Variants in ADD2 observed in about 807,000 individuals in gnomAD.
ADD2 encodes the protein beta-adducin.
A neutral mutation model predicts 83.0 loss-of-function variants in ADD2; 23 were observed. The ratio of observed to expected loss-of-function variants is 0.28; its 90% CI spans 0.20 to 0.39. ADD2 has a LOEUF of 0.39. ADD2 is among the 10% of genes least tolerant of loss of function. The probability of loss-of-function intolerance (pLI) is 1.00; values close to 1 mark genes in which losing one functional copy is unlikely to be tolerated. For synonymous variants in ADD2, 375 were observed against 375.4 expected (o/e 1.00, Z 0.01); for missense variants, 758 against 944.9 (o/e 0.80, Z 2.59).
intron 1 of ADD2, among the ~76,000 whole-genome samples, chr2:70,762,689 G>A (rs922557889): frequency 4.0e-5 from 6 of 149,940 alleles, no homozygotes; most frequent in African/African-American, 7.4e-5. Flanking sequence ...AAAGGAAAGC[G>A]GTCAAAAATT....
At chr2:70,764,795 G>A (rs924923893) in intron 1 of ADD2, among the ~76,000 whole-genome samples, 2 of 151,508 alleles carry the variant, frequency 1.3e-5, no homozygotes, top group Non-Finnish European at 2.9e-5. Context: ...AACAGTCTGG[G>A]TGACAGAGCA....
chr2:70,755,864 G>A (rs976981590), intron 1 of ADD2, among the ~76,000 whole-genome samples: 1 of 151,934 alleles, frequency 6.6e-6, no homozygotes, highest in Non-Finnish European at 1.5e-5. Flanking sequence ...TTCGAGACCA[G>A]CCTGGCCAAC....
Position 70,678,772 on chromosome 2 carries a change from T to A in ADD2, c.1315A>T (p.Thr439Ser), listed in dbSNP as rs17855969. The A allele has an allele frequency of 6.2e-7, 1 of 1,612,738 alleles. No homozygotes were observed. Among genetic ancestry groups the A allele is most frequent in the Admixed American group, 1.7e-5 (1 of 59,928 alleles). Residue 439 changes from threonine to serine, a missense_variant, in exon 11 of 16, where the codon ACC becomes TCC. Physicochemically the swap from Thr to Ser is moderately conservative, Grantham distance 58. Around this residue, in one of 5 missense-constraint regions of ADD2, gnomAD observed 394 missense variants for 509.3 expected, o/e 0.77. Coordinates refer to ENST00000264436, the MANE Select transcript of ADD2 (RefSeq NM_001617.4). ...TCGGCCACATTGACCCGCAGGTAGG[T>A]GTTGGGCGTATTGAGCCAGCGGGTC... ...EKTRWLNTPNTYLRVNVADEV... is the reference protein window; with the variant it reads ...EKTRWLNTPNSYLRVNVADEV...
chr2:70,689,159 G>A (rs1553371070), intron 8 of ADD2, among the ~76,000 whole-genome samples: 1 of 152,188 alleles, frequency 6.6e-6, no homozygotes, highest in African/African-American at 2.4e-5. Context: ...CTAGAAGCCA[G>A]GGGTTCTCAC....
At chr2:70,754,891 T>C (rs1674693417) in intron 1 of ADD2, among the ~76,000 whole-genome samples, 1 of 152,146 alleles carries the variant, frequency 6.6e-6, no homozygotes, top group African/African-American at 2.4e-5. Context: ...AATCACCTTT[T>C]AATTATCTAT....
intron 4 of ADD2, among the ~76,000 whole-genome samples, chr2:70,703,039 T>C (rs555847549): frequency 2.6e-5 from 4 of 151,906 alleles, no homozygotes; most frequent in African/African-American, 9.7e-5. Flanking sequence ...AGTGGGAGGA[T>C]TGCTTGAGCC....
intron 15 of ADD2, among the ~76,000 whole-genome samples, chr2:70,670,308 G>C (rs912356578): frequency 6.6e-6 from 1 of 152,178 alleles, no homozygotes; most frequent in Admixed American, 6.5e-5. Flanking sequence ...ACATGCTGTG[G>C]GTTAGGAAAG....
intron 1 of ADD2, among the ~76,000 whole-genome samples, chr2:70,739,921 C>T (rs116014366): frequency 4.6e-5 from 7 of 152,310 alleles, no homozygotes; most frequent in Non-Finnish European, 1.0e-4. Flanking sequence ...CTACTGCATA[C>T]TAGGCCTAGT....
At chr2:70,765,052 CT>C (rs1236786665) in intron 1 of ADD2, among the ~76,000 whole-genome samples, 1 of 151,840 alleles carries the variant, frequency 6.6e-6, no homozygotes, top group Non-Finnish European at 1.5e-5. Context: ...CCTTTCTGGT[CT>C]CGGAATCAAG....
chr2:70,676,807 T>C lies in ADD2; in HGVS notation c.1582A>G (p.Ser528Gly). ...AGCCTCTGCTCTACCGGGCTTCGGC[T>C]CTTCTCGGCAATGACGCTCGCCAGG... is the stretch of plus-strand genomic sequence containing the variant. Reference protein sequence around the residue: ...QLLASVIAEKSRSPSTESQLM... With the variant: ...QLLASVIAEKGRSPSTESQLM... The change falls in exon 13 of 16, where the codon AGC becomes GGC. Residue 528 changes from serine (S) to glycine (G), a missense_variant. By Grantham distance (56) the Ser-to-Gly change is moderately conservative. Coordinates refer to ENST00000264436, the MANE Select transcript of ADD2 (RefSeq NM_001617.4). The surrounding 1 kb of genome is among the most constrained non-coding windows in gnomAD (Gnocchi z 4.8). 6.2e-7 allele frequency: 1 copy of C among 1,614,150 alleles called. No individual in the cohort carries two copies. Among genetic ancestry groups the C allele is most frequent in the African/African-American group, 1.3e-5 (1 of 75,052 alleles).
intron 15 of ADD2, among the ~76,000 whole-genome samples, chr2:70,669,702 C>T (rs1669821010): frequency 6.6e-6 from 1 of 152,254 alleles, no homozygotes; most frequent in South Asian, 2.1e-4. Flanking sequence ...GGAAGATCCA[C>T]AAAGCAGGCC....
chr2:70,726,923 T>G (rs1673033884), intron 1 of ADD2, among the ~76,000 whole-genome samples: 1 of 152,204 alleles, frequency 6.6e-6, no homozygotes, highest in Non-Finnish European at 1.5e-5. Flanking sequence ...ATTCTCCCAC[T>G]GCTGTCTCTC....
intron 15 of ADD2, among the ~76,000 whole-genome samples, 171 bp from the exon 16 acceptor site, chr2:70,663,906 T>C (rs2104142655): frequency 6.6e-6 from 1 of 152,340 alleles, no homozygotes; most frequent in East Asian, 1.9e-4. Context: ...GACTGGGTTC[T>C]GATCTGCACC....
intron 1 of ADD2, among the ~76,000 whole-genome samples, chr2:70,747,891 T>C (rs1416284880): frequency 2.0e-5 from 3 of 152,226 alleles, no homozygotes; most frequent in Admixed American, 6.5e-5. Flanking sequence ...GTTTTTTGTA[T>C]AGTAGGTCAA....
chr2:70,682,776 G>A (rs1295157362), intron 10 of ADD2, among the ~76,000 whole-genome samples: 1 of 152,090 alleles, frequency 6.6e-6, no homozygotes, highest in Non-Finnish European at 1.5e-5. Context: ...TGTATCCTTT[G>A]AAGAGCCAGC....
At chr2:70,719,836 C>T (rs1308599627) in intron 1 of ADD2, among the ~76,000 whole-genome samples, 4 of 152,154 alleles carry the variant, frequency 2.6e-5, no homozygotes, top group African/African-American at 4.8e-5. Context: ...CAAATTCAAA[C>T]ATGAAACAGT....
intron 7 of ADD2, 141 bp downstream of exon 7, chr2:70,692,262 T>C: frequency 2.2e-6 from 2 of 928,868 alleles, no homozygotes; most frequent in South Asian, 2.3e-5. Flanking sequence ...ATGGAGAGGC[T>C]GGGCGTTTCC....
rs766126498 is a variant in ADD2 at position 70,692,478 on chromosome 2, A to G, written c.630T>C (p.Cys210=). The G allele has an allele frequency of 4.3e-6, 7 of 1,613,144 alleles. No individual in the cohort carries two copies. Among genetic ancestry groups the G allele is most frequent in the Non-Finnish European group, 5.9e-6 (7 of 1,179,696 alleles). Residue 210 remains cysteine (C), a synonymous_variant, in exon 7 of 16, where the codon TGT becomes TGC. Transcript: ENST00000264436. The part of the protein sequence containing the change: ...SCFPVDTTGF[C]LHSAIYAARP... ...TCGCTGCATAGATGGCCGAGTGCAG[A>G]CAGAAGCCTGTGGTGTCCACTGGGA...
At chr2:70,704,549 T>G in intron 3 of ADD2, 90 bp from the exon 4 acceptor site, 2 of 1,541,462 alleles carry the variant, frequency 1.3e-6, no homozygotes, top group South Asian at 2.4e-5. Flanking sequence ...CCCTTGCCCC[T>G]GGGTCAGCTA....
Sources: gnomAD v4.1 joint callset for allele counts (sites outside exome capture counted in the v4.1 genomes callset) on GRCh38, gnomAD v4.1.1 for gene constraint, gnomAD v4.1.1 regional missense constraint, Gnocchi (gnomAD v3.1) non-coding constraint, MANE v1.5 for transcripts, NCBI Gene and HGNC (gene_info 2026-07-23, HGNC 2026-07-21) for gene names.